Variants in BICD1 observed in about 807,000 individuals in gnomAD.
The protein encoded by BICD1 is protein bicaudal D homolog 1.
A neutral mutation model predicts 92.5 loss-of-function variants in BICD1; 35 were observed. The ratio of observed to expected loss-of-function variants is 0.38; its 90% confidence interval spans 0.29 to 0.50. The LOEUF (loss-of-function observed/expected upper bound fraction) is 0.50, where lower values mean the gene tolerates loss of function less well. Among genes scored for constraint, BICD1 ranks in the 20% least tolerant of loss-of-function variants. The probability of loss-of-function intolerance (pLI) is 0.93; values close to 1 mark genes in which losing one functional copy is unlikely to be tolerated. For missense variants in BICD1, 950 were observed against 1,189.8 expected (o/e 0.80, Z 2.97); for synonymous variants, 429 against 465.1 (o/e 0.92, Z 1.00).
At chr12:32,123,979 C>G (rs77314418) in intron 1 of BICD1, among the ~76,000 whole-genome samples, 1 of 152,224 alleles carries the variant, frequency 6.6e-6, no homozygotes, top group East Asian at 1.9e-4. Context: ...CCCATTTACT[C>G]AAAAGACACT....
intron 1 of BICD1, among the ~76,000 whole-genome samples, chr12:32,120,209 T>C (rs1565528518): frequency 6.6e-6 from 1 of 152,244 alleles, no homozygotes; most frequent in South Asian, 2.1e-4. Context: ...GATCTCTAAC[T>C]TCTTGGTGAC....
intron 1 of BICD1, 62 bp from the exon 2 acceptor site, chr12:32,216,185 T>C: frequency 6.5e-7 from 1 of 1,539,572 alleles, no homozygotes; most frequent in Non-Finnish European, 8.9e-7. Context: ...TTTTCCCAAG[T>C]CTTAAAAGAG....
At chr12:32,158,725 C>T (rs1426674983) in intron 1 of BICD1, among the ~76,000 whole-genome samples, 1 of 152,196 alleles carries the variant, frequency 6.6e-6, no homozygotes, top group African/African-American at 2.4e-5. Flanking sequence ...GTTAGAACCT[C>T]TGCTGCATCC....
chr12:32,281,293 G>A (rs1947406164), intron 2 of BICD1, among the ~76,000 whole-genome samples: 2 of 152,088 alleles, frequency 1.3e-5, no homozygotes, highest in African/African-American at 4.8e-5. Context: ...CAGTTGTTAA[G>A]TCTGGATTGC....
chr12:32,284,700 G>T (rs115416973), intron 2 of BICD1, among the ~76,000 whole-genome samples: 115 of 152,260 alleles, frequency 7.6e-4, no homozygotes, highest in African/African-American at 2.6e-3. Flanking sequence ...TCCCCAGATT[G>T]CTTTGTTAAA....
intron 1 of BICD1, among the ~76,000 whole-genome samples, chr12:32,187,031 C>A (rs1944438775): frequency 6.6e-6 from 1 of 152,148 alleles, no homozygotes; most frequent in Admixed American, 6.6e-5. Flanking sequence ...TCGGTTTCTT[C>A]TATGGTGAGT....
intron 2 of BICD1, among the ~76,000 whole-genome samples, chr12:32,233,733 T>C (rs1945972607): frequency 6.6e-6 from 1 of 152,246 alleles, no homozygotes; most frequent in African/African-American, 2.4e-5. Context: ...TTTTGTTCCT[T>C]GTGCAGCCTG....
At chr12:32,266,166 A>T (rs1054976232) in intron 2 of BICD1, among the ~76,000 whole-genome samples, 1 of 152,216 alleles carries the variant, frequency 6.6e-6, no homozygotes, top group Non-Finnish European at 1.5e-5. Flanking sequence ...TAGTTCTATC[A>T]TACATAGACT....
chr12:32,331,799 C>T (rs140646952), intron 5 of BICD1, among the ~76,000 whole-genome samples: 89 of 152,182 alleles, frequency 5.8e-4, no homozygotes, highest in African/African-American at 2.0e-3. Flanking sequence ...TATATGGGCT[C>T]AGTAAATTAA....
At chr12:32,377,270 G>A (rs1331846694) in intron 9 of BICD1, among the ~76,000 whole-genome samples, 4 of 152,116 alleles carry the variant, frequency 2.6e-5, no homozygotes, top group Non-Finnish European at 5.9e-5. Context: ...AAATGCTGGG[G>A]GCAAGAAAAT....
At chr12:32,213,705 GTATTA>G (rs1945280036) in intron 1 of BICD1, among the ~76,000 whole-genome samples, 1 of 152,024 alleles carries the variant, frequency 6.6e-6, no homozygotes, top group Non-Finnish European at 1.5e-5. Context: ...GGCCCCCAGT[GTATTA>G]TATGAGAGGG....
intron 8 of BICD1, among the ~76,000 whole-genome samples, chr12:32,347,912 A>G (rs1490984165): frequency 6.6e-6 from 1 of 152,140 alleles, no homozygotes; most frequent in African/African-American, 2.4e-5. Context: ...TATTGATACC[A>G]TATATATAGA....
intron 2 of BICD1, among the ~76,000 whole-genome samples, chr12:32,275,581 A>G (rs1292325055): frequency 6.6e-6 from 1 of 151,968 alleles, no homozygotes; most frequent in Non-Finnish European, 1.5e-5. Flanking sequence ...CACTCTATTA[A>G]ATCTTGCTAC....
chr12:32,261,461 T>C (rs927912596), intron 2 of BICD1, among the ~76,000 whole-genome samples: 1 of 152,188 alleles, frequency 6.6e-6, no homozygotes, highest in Non-Finnish European at 1.5e-5. Context: ...CTGCATCACA[T>C]TGTAGGGACA....
intron 1 of BICD1, among the ~76,000 whole-genome samples, chr12:32,207,156 T>C (rs1027515423): frequency 6.6e-6 from 1 of 152,184 alleles, no homozygotes; most frequent in East Asian, 1.9e-4. Flanking sequence ...TCTTAAACTA[T>C]AGGAATTCAT....
Position 32,379,727 on chromosome 12 carries a change from G to A in BICD1, c.*2100G>A, listed in dbSNP as rs1254120449. ...TGAGAAGTGGCATAGCTGCTAAGTT[G>A]ACTTTTAATAAAAAACTGTTTGTGC... On this transcript the variant is annotated 3_prime_UTR_variant, in exon 10 of 10. Transcript: ENST00000652176. The A allele has an allele frequency of 6.6e-6, 1 of 152,152 alleles. No individual in the cohort carries two copies. Among genetic ancestry groups the A allele is most frequent in the East Asian group, 1.9e-4 (1 of 5,194 alleles). The allele number at this position is 152,152 out of a possible 1,614,324, so 9.4% of individuals were successfully genotyped here.
chr12:32,244,063 A>AC (rs1946305674), intron 2 of BICD1, among the ~76,000 whole-genome samples: 1 of 138,106 alleles, frequency 7.2e-6, no homozygotes, highest in African/African-American at 3.6e-5. Context: ...TATAGGTAAG[A>AC]AGACTCATTC....
intron 1 of BICD1, among the ~76,000 whole-genome samples, chr12:32,135,434 G>T (rs1405085721): frequency 1.8e-5 from 2 of 108,486 alleles, no homozygotes; most frequent in Non-Finnish European, 3.4e-5. Context: ...GGTCTCTTGC[G>T]CTGTCACCTA....
At position 32,337,731 on chromosome 12, in the gene BICD1, G is replaced by A. The variant is rs142080852; in HGVS notation, c.2485G>A (p.Val829Met). Residue 829 changes from valine to methionine, a missense_variant, in exon 7 of 10, where the codon GTG becomes ATG. Physicochemically the swap from Val to Met is conservative, Grantham distance 21. This residue lies in a region of BICD1 where 179 missense variants were observed against 186.7 expected (regional missense o/e 0.96). Coordinates refer to ENST00000652176, the MANE Select transcript of BICD1 (RefSeq NM_001714.4). The surrounding 1 kb of genome is among the most constrained non-coding windows in gnomAD (Gnocchi z 4.7). ...PKVSGEASVTVPTIDTYLLHS... is the reference protein window; with the variant it reads ...PKVSGEASVTMPTIDTYLLHS... ...AGTAAGTGGGGAGGCATCAGTCACCGTGCCCACCATAGACACTTACCTCCT... is the reference window on the plus strand; with the variant it reads ...AGTAAGTGGGGAGGCATCAGTCACCATGCCCACCATAGACACTTACCTCCT... 1.2e-3 allele frequency: 1,869 copies of A among 1,614,140 alleles called. 4 individuals carry two copies. Among genetic ancestry groups the A allele is most frequent in the Non-Finnish European group, 1.5e-3 (1,723 of 1,180,032 alleles).
Sources: allele counts gnomAD v4.1 joint callset (sites outside exome capture counted in the v4.1 genomes callset), GRCh38; gene constraint gnomAD v4.1.1; regional missense constraint gnomAD v4.1.1; non-coding constraint Gnocchi (gnomAD v3.1); transcripts MANE v1.5; gene names NCBI Gene and HGNC (gene_info 2026-07-23, HGNC 2026-07-21).